The following MYCBP2 variants were observed in gnomAD, a reference collection of about 807,000 sequenced individuals.
The protein encoded by MYCBP2 is E3 ubiquitin-protein ligase MYCBP2.
MYCBP2 carries 120 observed loss-of-function variants against 525.3 expected under a neutral mutation model. The ratio of observed to expected loss-of-function variants is 0.23; its 90% CI spans 0.20 to 0.27. MYCBP2 has a LOEUF of 0.27. MYCBP2 is among the 10% of genes least tolerant of loss of function. The pLI is 1.00. For missense variants in MYCBP2, 4,149 were observed against 5,657.1 expected (o/e 0.73, Z 8.55); for synonymous variants, 1,894 against 1,955.8 (o/e 0.97, Z 0.83).
Position 77,257,764 on chromosome 13 carries a change from C to T in MYCBP2, c.2083G>A (p.Val695Ile). Residue 695 changes from valine (V) to isoleucine (I), a missense_variant, in exon 14 of 83, where the codon GTT becomes ATT. Val to Ile is a conservative substitution (Grantham distance 29, BLOSUM62 3). Coordinates refer to ENST00000544440, the MANE Select transcript of MYCBP2 (RefSeq NM_015057.5). ...QVAMGKAHTC[V>I]LMKNGEVWTF... ...CACACCTCTCCATTCTTCATTAAAACACAAGTGTGAGCTTTGCCCATAGCT... is the reference window on the plus strand; with the variant it reads ...CACACCTCTCCATTCTTCATTAAAATACAAGTGTGAGCTTTGCCCATAGCT... The T allele has an allele frequency of 6.2e-7, 1 of 1,613,586 alleles. No individual in the cohort carries two copies. The highest frequency in any genetic ancestry group is 8.5e-7 in the Non-Finnish European group (1 of 1,179,768).
intron 1 of MYCBP2, among the ~76,000 whole-genome samples, chr13:77,301,881 A>G (rs2078851419): frequency 6.6e-6 from 1 of 152,206 alleles, no homozygotes; most frequent in African/African-American, 2.4e-5. Flanking sequence ...GACATTCTGA[A>G]ACTGAAAAAT....
intron 17 of MYCBP2, among the ~76,000 whole-genome samples, chr13:77,237,344 C>T (rs2068068086): frequency 1.3e-5 from 2 of 151,938 alleles, no homozygotes; most frequent in African/African-American, 4.8e-5. Flanking sequence ...TACACTTTCA[C>T]ATATGTGTAA....
chr13:77,056,428 G>A (rs1478223596), intron 79 of MYCBP2, among the ~76,000 whole-genome samples: 3 of 152,052 alleles, frequency 2.0e-5, no homozygotes, highest in Admixed American at 6.6e-5. Context: ...GAATTAATAG[G>A]GAAAGTACTG....
chr13:77,235,878 A>G (rs2067843495), intron 17 of MYCBP2, among the ~76,000 whole-genome samples: 1 of 152,142 alleles, frequency 6.6e-6, no homozygotes, highest in Admixed American at 6.5e-5. Flanking sequence ...AGGAGGTAAC[A>G]AGTAGCATAA....
chr13:77,168,158 T>C (rs1399373297), intron 40 of MYCBP2, among the ~76,000 whole-genome samples: 2 of 152,208 alleles, frequency 1.3e-5, no homozygotes, highest in African/African-American at 2.4e-5. Context: ...AATCACAGCA[T>C]GAAGTTTAGC....
chr13:77,090,724 G>A (rs2045262317), intron 59 of MYCBP2: 1 of 152,298 alleles, frequency 6.6e-6, no homozygotes, highest in South Asian at 2.1e-4. Context: ...TCTCACTCTT[G>A]GGAAATGTTG....
chr13:77,067,917 G>C, intron 70 of MYCBP2, 53 bp from the exon 71 acceptor site: 2 of 1,509,564 alleles, frequency 1.3e-6, no homozygotes, highest in Admixed American at 2.2e-5. Flanking sequence ...ATGTTTTAAG[G>C]TTTCTTTTAT....
chr13:77,056,691 G>A (rs1412514253), intron 79 of MYCBP2, among the ~76,000 whole-genome samples: 1 of 152,160 alleles, frequency 6.6e-6, no homozygotes, highest in Non-Finnish European at 1.5e-5. Context: ...TGTCAACTGA[G>A]CTCTCTAGTG....
At chr13:77,270,641 T>G (rs1308910426) in intron 5 of MYCBP2, 103 bp from the exon 6 acceptor site, 11 of 1,203,706 alleles carry the variant, frequency 9.1e-6, no homozygotes, top group Non-Finnish European at 5.7e-6. Context: ...GACAATAAAT[T>G]GTTCAGAATG....
At chr13:77,074,970 A>C (rs2042031695) in intron 68 of MYCBP2, among the ~76,000 whole-genome samples, 1 of 152,168 alleles carries the variant, frequency 6.6e-6, no homozygotes, top group African/African-American at 2.4e-5. Flanking sequence ...GCACTTTGGG[A>C]GGCCAATGCT....
intron 14 of MYCBP2, among the ~76,000 whole-genome samples, chr13:77,257,145 T>C (rs2072377390): frequency 6.6e-6 from 1 of 151,974 alleles, no homozygotes; most frequent in Admixed American, 6.6e-5. Flanking sequence ...AAAGACCAAC[T>C]TCACATGTTG....
chr13:77,223,830 TCA>T (rs752214211), intron 20 of MYCBP2, among the ~76,000 whole-genome samples: 1 of 152,196 alleles, frequency 6.6e-6, no homozygotes, highest in Non-Finnish European at 1.5e-5. Flanking sequence ...TCACTTAAGT[TCA>T]CATGGCCACA....
chr13:77,265,155 G>A (rs1388171180), intron 8 of MYCBP2, among the ~76,000 whole-genome samples: 1 of 152,012 alleles, frequency 6.6e-6, no homozygotes, highest in Non-Finnish European at 1.5e-5. Context: ...TCACAAACTG[G>A]AAATAGAAAC....
At chr13:77,217,087 G>T (rs180973479) in intron 21 of MYCBP2, among the ~76,000 whole-genome samples, 35 of 152,322 alleles carry the variant, frequency 2.3e-4, no homozygotes, top group Admixed American at 1.9e-3. Context: ...TCTACACACT[G>T]TTCTTAGTTG....
chr13:77,286,789 A>AATATATATATATATATATATATATATAT (rs1197559343), intron 3 of MYCBP2, among the ~76,000 whole-genome samples: 2 of 42,296 alleles, frequency 4.7e-5, no homozygotes, highest in Non-Finnish European at 7.7e-5. Context: ...AAAAAAAAAA[A>AATATATATATATATATATATATATATAT]ATATATATAT....
At chr13:77,135,188 A>G (rs550914364) in intron 52 of MYCBP2, among the ~76,000 whole-genome samples, 1 of 152,340 alleles carries the variant, frequency 6.6e-6, no homozygotes, top group East Asian at 1.9e-4. Context: ...CTTCTTTTTA[A>G]GTTAGCAGCA....
rs148891027 is a variant in MYCBP2, at chr13:77,098,558, G to A, written c.8596C>T (p.Arg2866Trp). ...APVKTKLDPP[R>W]ERSKSDSYTL... Reference sequence around the variant, plus strand: ...TAAGAGTCTGATTTAGAACGTTCCCGAGGAGGATCAAGCTTTGTCTTAACA... The same window carrying A: ...TAAGAGTCTGATTTAGAACGTTCCCAAGGAGGATCAAGCTTTGTCTTAACA... Residue 2866 changes from arginine (R) to tryptophan (W), a missense_variant, in exon 56 of 83, where the codon CGG (arginine) becomes TGG (tryptophan). Coordinates refer to ENST00000544440, the MANE Select transcript of MYCBP2 (RefSeq NM_015057.5). 6 of 1,613,746 alleles carry A rather than the reference G, an allele frequency of 3.7e-6. No individual in the cohort carries two copies. Among genetic ancestry groups the A allele is most frequent in the East Asian group, 2.2e-5 (1 of 44,862 alleles).
At chr13:77,197,445 T>A (rs1216497588) in intron 26 of MYCBP2, among the ~76,000 whole-genome samples, 2 of 152,070 alleles carry the variant, frequency 1.3e-5, no homozygotes, top group Non-Finnish European at 2.9e-5. Flanking sequence ...GAGAGATCAG[T>A]GGAAGAGCAT....
chr13:77,262,561 GAC>G (rs2073478428), intron 10 of MYCBP2, among the ~76,000 whole-genome samples: 1 of 151,970 alleles, frequency 6.6e-6, no homozygotes, highest in African/African-American at 2.4e-5. Context: ...GGTTAGTCCA[GAC>G]ACAGAGTCAT....
Sources: allele counts gnomAD v4.1 joint callset (sites outside exome capture counted in the v4.1 genomes callset), GRCh38; gene constraint gnomAD v4.1.1; transcripts MANE v1.5; gene names NCBI Gene and HGNC (gene_info 2026-07-23, HGNC 2026-07-21).